ATP9B: variants seen among roughly 807,000 people sequenced by gnomAD.
ATP9B encodes ATPase phospholipid transporting 9B, also known as probable phospholipid-transporting ATPase IIB.
ATP9B carries 110 observed loss-of-function variants against 146.1 expected under a neutral mutation model. The ratio of observed to expected loss-of-function variants is 0.75; its 90% confidence interval spans 0.65 to 0.88. The LOEUF (loss-of-function observed/expected upper bound fraction) is 0.88. ATP9B is among the 40% of genes least tolerant of loss of function. ATP9B has a pLI of 0.00. For missense variants in ATP9B, 1,499 were observed against 1,496.4 expected, an observed-to-expected ratio of 1.00 and a Z score of -0.03; for synonymous variants, 604 against 569.7, an observed-to-expected ratio of 1.06 and a Z score of -0.86.
chr18:79,143,532 C>G (rs1248468590), intron 5 of ATP9B, among the ~76,000 whole-genome samples: 1 of 152,144 alleles, frequency 6.6e-6, no homozygotes, highest in Admixed American at 6.5e-5. Context: ...AATTACAAAA[C>G]ATGGGAATAA....
At chr18:79,317,998 T>C (rs1178218080) in intron 15 of ATP9B, among the ~76,000 whole-genome samples, 1 of 152,226 alleles carries the variant, frequency 6.6e-6, no homozygotes, top group Non-Finnish European at 1.5e-5. Context: ...TGGTGAATGC[T>C]GGAACAGCAT....
chr18:79,142,900 G>C (rs951716974), intron 5 of ATP9B, among the ~76,000 whole-genome samples: 2 of 152,220 alleles, frequency 1.3e-5, no homozygotes, highest in Non-Finnish European at 2.9e-5. Context: ...TGTAACGAGT[G>C]TGATGTTAGT....
chr18:79,100,586 T>C (rs1002554592), intron 2 of ATP9B, among the ~76,000 whole-genome samples: 2 of 152,206 alleles, frequency 1.3e-5, no homozygotes, highest in South Asian at 2.1e-4. Context: ...TCTTTTACTT[T>C]TTAAAAAAAT....
intron 11 of ATP9B, among the ~76,000 whole-genome samples, chr18:79,220,765 A>G (rs951740156): frequency 1.3e-5 from 2 of 151,710 alleles, no homozygotes; most frequent in African/African-American, 2.4e-5. Flanking sequence ...TGTAAATTCA[A>G]TTTAATAAAT....
intron 13 of ATP9B, among the ~76,000 whole-genome samples, chr18:79,298,779 C>CAGA (rs1341641201): frequency 6.8e-6 from 1 of 146,270 alleles, no homozygotes; most frequent in Non-Finnish European, 1.5e-5. Flanking sequence ...GATATGGGAA[C>CAGA]AGAACATCAG....
At chr18:79,277,228 T>G (rs768198636) in intron 13 of ATP9B, 32 bp downstream of exon 13, 3 of 1,610,588 alleles carry the variant, frequency 1.9e-6, no homozygotes, top group East Asian at 4.5e-5. Flanking sequence ...CACCTTTGAA[T>G]GGACAAAATG....
At position 79,239,423 on chromosome 18, in the gene ATP9B, A is replaced by G. The variant is rs2095869643; in HGVS notation, c.1108-13958A>G. On this transcript the variant is annotated intron_variant, in intron 11 of 29. Coordinates refer to ENST00000426216, the MANE Select transcript of ATP9B (RefSeq NM_198531.5). This position sits in a 1 kb window ranked among gnomAD's most constrained non-coding sequence, Gnocchi z 5.1. ...CCATGGAGGTACACAAACCATCCTC[A>G]TAAAACCAAGCCCCAGAGTGGGTTG... is the stretch of plus-strand genomic sequence containing the variant. Among the ~76,000 whole-genome samples, 1 of 152,256 alleles carries G rather than the reference A, an allele frequency of 6.6e-6. No homozygotes were observed. The highest frequency in any genetic ancestry group is 1.5e-5 in the Non-Finnish European group (1 of 68,042).
At chr18:79,249,822 C>A (rs56191862) in intron 11 of ATP9B, among the ~76,000 whole-genome samples, 13,266 of 152,124 alleles carry the variant, frequency 0.087, 641 homozygotes, top group Admixed American at 0.13. Context: ...GTCTTTTCTT[C>A]TGTTTTGTTA....
At chr18:79,270,885 C>T (rs1208801424) in intron 12 of ATP9B, among the ~76,000 whole-genome samples, 4 of 152,158 alleles carry the variant, frequency 2.6e-5, no homozygotes, top group South Asian at 2.1e-4. Context: ...ACATGAAAGT[C>T]GGAAGAGTCC....
Position 79,317,031 on chromosome 18 carries a change from G to A in ATP9B, c.1773+9797G>A, listed in dbSNP as rs529748128. Among the ~76,000 whole-genome samples, 3 of 152,142 alleles carry A rather than the reference G, an allele frequency of 2.0e-5. No individual in the cohort carries two copies. In the East Asian group the frequency reaches 5.8e-4, roughly 29 times the overall value. On this transcript the variant is annotated intron_variant, in intron 15 of 29. Coordinates refer to ENST00000426216, the MANE Select transcript of ATP9B (RefSeq NM_198531.5). ...TATGTTTTCAAAGACAGTAAAATAA[G>A]TGTTTTCTGGAGAAATATAAATTTC...
intron 5 of ATP9B, among the ~76,000 whole-genome samples, chr18:79,132,585 TA>T (rs1335100366): frequency 2.0e-5 from 3 of 152,210 alleles, no homozygotes; most frequent in African/African-American, 7.2e-5. Flanking sequence ...GTTTGATGAG[TA>T]AAATCCGTAG....
At chr18:79,308,345 T>C (rs1481191537) in intron 15 of ATP9B, among the ~76,000 whole-genome samples, 3 of 152,132 alleles carry the variant, frequency 2.0e-5, no homozygotes, top group Non-Finnish European at 2.9e-5. Context: ...AAGACCCGTA[T>C]GTTAATGTTC....
At chr18:79,103,961 A>G (rs1390660898) in intron 2 of ATP9B, among the ~76,000 whole-genome samples, 4 of 152,076 alleles carry the variant, frequency 2.6e-5, no homozygotes, top group Non-Finnish European at 4.4e-5. Context: ...CTTAAAGAAG[A>G]TGGGTGTTCT....
intron 20 of ATP9B, among the ~76,000 whole-genome samples, chr18:79,342,744 A>G (rs2096866328): frequency 2.6e-5 from 4 of 152,166 alleles, no homozygotes. Context: ...ATTATTTGCT[A>G]TTTTAAAAGA....
intron 15 of ATP9B, among the ~76,000 whole-genome samples, chr18:79,319,860 T>G (rs2096705553): frequency 6.6e-6 from 1 of 152,200 alleles, no homozygotes; most frequent in Admixed American, 6.5e-5. Context: ...ACAGGAGTAC[T>G]CTTTGATTTA....
At chr18:79,269,695 C>G (rs1000866628) in intron 12 of ATP9B, among the ~76,000 whole-genome samples, 1 of 152,168 alleles carries the variant, frequency 6.6e-6, no homozygotes, top group Non-Finnish European at 1.5e-5. Flanking sequence ...CATTTGGGAA[C>G]AAAGATGGAG....
At chr18:79,164,043 C>T (rs923559013) in intron 7 of ATP9B, among the ~76,000 whole-genome samples, 22 of 152,076 alleles carry the variant, frequency 1.4e-4, no homozygotes, top group African/African-American at 5.3e-4. Context: ...CTCAGTTTCC[C>T]GAGTAGCTGG....
At chr18:79,336,808 C>G in intron 18 of ATP9B, 97 bp downstream of exon 18, 1 of 1,301,162 alleles carries the variant, frequency 7.7e-7, no homozygotes, top group East Asian at 2.5e-5. Flanking sequence ...GAGCTGGGAT[C>G]GCTATAGTCT....
intron 15 of ATP9B, among the ~76,000 whole-genome samples, chr18:79,318,000 G>A (rs1599918469): frequency 6.6e-6 from 1 of 152,266 alleles, no homozygotes; most frequent in Non-Finnish European, 1.5e-5. Flanking sequence ...GTGAATGCTG[G>A]AACAGCATGA....
Sources: gnomAD v4.1 joint callset for allele counts (sites outside exome capture counted in the v4.1 genomes callset) on GRCh38, gnomAD v4.1.1 for gene constraint, Gnocchi (gnomAD v3.1) non-coding constraint, MANE v1.5 for transcripts, NCBI Gene and HGNC (gene_info 2026-07-23, HGNC 2026-07-21) for gene names.